The following LNPEP variants were observed in gnomAD, a reference collection of about 807,000 sequenced individuals.
LNPEP encodes the protein leucyl and cystinyl aminopeptidase.
A neutral mutation model predicts 120.6 loss-of-function variants in LNPEP; 64 were observed. The ratio of observed to expected loss-of-function variants is 0.53; its 90% CI spans 0.43 to 0.65. The LOEUF (loss-of-function observed/expected upper bound fraction) is 0.65. LNPEP is among the 30% of genes least tolerant of loss of function. The pLI, the probability that LNPEP is intolerant of heterozygous loss-of-function variation, is 0.00. For missense variants in LNPEP, 1,057 were observed against 1,200.0 expected, an observed-to-expected ratio of 0.88 and a Z score of 1.76; for synonymous variants, 435 against 425.4, an observed-to-expected ratio of 1.02 and a Z score of -0.28.
At chr5:96,968,982 C>T (rs183418359) in intron 1 of LNPEP, among the ~76,000 whole-genome samples, 77 of 152,122 alleles carry the variant, frequency 5.1e-4, no homozygotes, top group African/African-American at 1.6e-3. Flanking sequence ...GAACAAAGAT[C>T]CTAGCTGTGG....
chr5:96,947,581 T>A (rs1318265050), intron 1 of LNPEP, among the ~76,000 whole-genome samples: 2 of 152,196 alleles, frequency 1.3e-5, no homozygotes, highest in Non-Finnish European at 2.9e-5. Context: ...TTTTGAGATG[T>A]CCTTTAGACA....
intron 1 of LNPEP, among the ~76,000 whole-genome samples, chr5:96,943,389 C>T (rs541542156): frequency 2.6e-5 from 4 of 152,230 alleles, no homozygotes; most frequent in East Asian, 1.9e-4. Flanking sequence ...CAGGCTCAAG[C>T]GATTCTCCTG....
intron 8 of LNPEP, among the ~76,000 whole-genome samples, chr5:97,002,510 A>G (rs539920290): frequency 6.6e-6 from 1 of 152,334 alleles, no homozygotes; most frequent in Non-Finnish European, 1.5e-5. Flanking sequence ...TACAGAAATG[A>G]GAGTAATAGG....
At chr5:97,005,472 C>T (rs1440061976) in intron 9 of LNPEP, among the ~76,000 whole-genome samples, 1 of 152,052 alleles carries the variant, frequency 6.6e-6, no homozygotes, top group Admixed American at 6.6e-5. Flanking sequence ...GGGCTGTGAC[C>T]ACTAAAGTAG....
chr5:96,994,660 A>G (rs1461157499), intron 6 of LNPEP, among the ~76,000 whole-genome samples: 1 of 152,114 alleles, frequency 6.6e-6, no homozygotes, highest in African/African-American at 2.4e-5. Context: ...CTTAACTAGC[A>G]TTGGGTATGG....
In LNPEP at chr5:96,973,236, G is replaced by A. The variant is rs187223624; in HGVS notation, c.20-5902G>A. The stretch of plus-strand genomic sequence containing the variant: ...GATTTTCTTTGAGTATGGGTTTAGC[G>A]GGGGTTGGGTAGTGTTTTGTCCATT... On this transcript the variant is annotated intron_variant, in intron 1 of 17. Transcript: ENST00000231368. Among the ~76,000 whole-genome samples the A allele has an allele frequency of 1.2e-4, 19 of 152,144 alleles. No homozygotes were observed. In the East Asian group the frequency reaches 1.4e-3, roughly 11 times the overall value.
At chr5:96,975,006 C>A (rs1370029061) in intron 1 of LNPEP, among the ~76,000 whole-genome samples, 1 of 152,044 alleles carries the variant, frequency 6.6e-6, no homozygotes, top group Non-Finnish European at 1.5e-5. Context: ...ACAGGTGATT[C>A]GGAAACCTGA....
intron 11 of LNPEP, chr5:97,010,372 G>A (rs1790896843): frequency 1.0e-6 from 1 of 984,734 alleles, no homozygotes; most frequent in Non-Finnish European, 1.2e-6. Context: ...TAGGATGAAA[G>A]AAGGAAGGGC....
At chr5:96,949,986 A>G (rs1050262858) in intron 1 of LNPEP, among the ~76,000 whole-genome samples, 2 of 151,894 alleles carry the variant, frequency 1.3e-5, no homozygotes, top group African/African-American at 4.8e-5. Flanking sequence ...AAACTTTTCC[A>G]TAGCAAATAG....
chr5:96,951,870 TTACTC>T (rs1789332309), intron 1 of LNPEP, among the ~76,000 whole-genome samples: 1 of 152,214 alleles, frequency 6.6e-6, no homozygotes, highest in Non-Finnish European at 1.5e-5. Context: ...CTTTGTGTAT[TTACTC>T]TATATGCTTT....
chr5:96,994,482 A>G (rs1038750516), intron 6 of LNPEP, among the ~76,000 whole-genome samples: 15 of 140,684 alleles, frequency 1.1e-4, no homozygotes, highest in African/African-American at 4.0e-4. Context: ...TTTTTTTTTC[A>G]TCTCCTGCCG....
intron 1 of LNPEP, among the ~76,000 whole-genome samples, chr5:96,975,131 A>G (rs1264367213): frequency 6.6e-6 from 1 of 152,186 alleles, no homozygotes. Context: ...TGAGGCTAAG[A>G]AAGGTAACCT....
At chr5:96,951,948 C>T (rs879288622) in intron 1 of LNPEP, among the ~76,000 whole-genome samples, 7 of 152,048 alleles carry the variant, frequency 4.6e-5, no homozygotes, top group Non-Finnish European at 8.8e-5. Context: ...AGTTTATCTT[C>T]GAAGGCAGAG....
chr5:97,022,951 C>G (rs1297362194), intron 14 of LNPEP, among the ~76,000 whole-genome samples: 2 of 151,712 alleles, frequency 1.3e-5, no homozygotes, highest in Non-Finnish European at 2.9e-5. Context: ...CTGTCTTAAC[C>G]ATTTTTTACT....
At chr5:97,019,001 G>A (rs1458201591) in intron 13 of LNPEP, among the ~76,000 whole-genome samples, 1 of 152,112 alleles carries the variant, frequency 6.6e-6, no homozygotes, top group African/African-American at 2.4e-5. Context: ...TAAACCTTTT[G>A]CAATAAAAAC....
At chr5:96,991,999 G>A (rs1790398692) in intron 4 of LNPEP, among the ~76,000 whole-genome samples, 1 of 151,082 alleles carries the variant, frequency 6.6e-6, no homozygotes, top group South Asian at 2.1e-4. Flanking sequence ...TTTTCCAGGT[G>A]AGTATAGAGG....
At position 96,986,177 on chromosome 5, in the gene LNPEP, A is replaced by T. The variant is rs141470918; in HGVS notation, c.1000-362A>T. Among the ~76,000 whole-genome samples the T allele has an allele frequency of 5.4e-3, 829 of 152,238 alleles. 5 individuals are homozygous for T. Among genetic ancestry groups the T allele is most frequent in the Middle Eastern group, 0.014 (4 of 294 alleles). ...GTCGCAGCTAGAGCTCCTTCTGTGG[A>T]TGTATTTGTAGCAGTAGAGTGGAGC... On this transcript the variant is annotated intron_variant, in intron 3 of 17. Transcript: ENST00000231368.
chr5:96,958,225 G>A (rs2351010), intron 1 of LNPEP, among the ~76,000 whole-genome samples: 61,427 of 152,042 alleles, frequency 0.4, 12,489 homozygotes, highest in Non-Finnish European at 0.43. Context: ...CCTGTGAAGC[G>A]GTCCGAGTGC....
chr5:96,990,210 G>A (rs796808099), intron 4 of LNPEP, among the ~76,000 whole-genome samples: 7 of 151,996 alleles, frequency 4.6e-5, no homozygotes, highest in African/African-American at 9.6e-5. Flanking sequence ...GTGCACGTGC[G>A]TGTGTGTGTG....
Sources: allele counts gnomAD v4.1 joint callset (sites outside exome capture counted in the v4.1 genomes callset), GRCh38; gene constraint gnomAD v4.1.1; transcripts MANE v1.5; gene names NCBI Gene and HGNC (gene_info 2026-07-23, HGNC 2026-07-21).